Variants in AFF1 observed in about 807,000 individuals in gnomAD.
AFF1 encodes the protein AF4/FMR2 family member 1.
In AFF1, 48 loss-of-function variants were observed where a neutral mutation model predicts 121.7. The ratio of observed to expected loss-of-function variants is 0.39; its 90% confidence interval spans 0.31 to 0.50. AFF1 has a LOEUF of 0.50. Among genes scored for constraint, AFF1 ranks in the 20% least tolerant of loss-of-function variants. The pLI is 0.76. For missense variants in AFF1, 1,523 were observed against 1,511.7 expected, an observed-to-expected ratio of 1.01 and a Z score of -0.12; for synonymous variants, 613 against 563.0, an observed-to-expected ratio of 1.09 and a Z score of -1.26.
intron 2 of AFF1, among the ~76,000 whole-genome samples, chr4:87,014,381 T>G (rs35886751): frequency 0.13 from 20,525 of 152,286 alleles, 1,871 homozygotes; most frequent in Middle Eastern, 0.23. Context: ...TTGTCCAAAC[T>G]TTGTGAAACC....
intron 2 of AFF1, among the ~76,000 whole-genome samples, chr4:87,044,950 A>G (rs1055901977): frequency 2.6e-5 from 4 of 152,194 alleles, no homozygotes; most frequent in Admixed American, 2.6e-4. Context: ...TGCAGTAGTA[A>G]AGAGCCATCA....
At chr4:87,067,430 A>C (rs909356362) in intron 4 of AFF1, among the ~76,000 whole-genome samples, 2 of 152,196 alleles carry the variant, frequency 1.3e-5, no homozygotes, top group African/African-American at 4.8e-5. Flanking sequence ...AACTGCAATA[A>C]AGTGTAACTT....
At chr4:87,069,600 TCCTTTCCCTTC>T (rs1281690041) in intron 4 of AFF1, among the ~76,000 whole-genome samples, 2 of 147,644 alleles carry the variant, frequency 1.4e-5, no homozygotes, top group Non-Finnish European at 1.5e-5. Context: ...CATCTCTCCC[TCCTTTCCCTTC>T]CCTTTCCCCC....
At chr4:87,089,122 C>T (rs905218036) in intron 5 of AFF1, among the ~76,000 whole-genome samples, 1 of 152,142 alleles carries the variant, frequency 6.6e-6, no homozygotes, top group Non-Finnish European at 1.5e-5. Context: ...GGTACCTTGA[C>T]TCAATCATTT....
intron 4 of AFF1, among the ~76,000 whole-genome samples, chr4:87,050,951 G>A (rs1731204626): frequency 6.6e-6 from 1 of 152,242 alleles, no homozygotes; most frequent in African/African-American, 2.4e-5. Flanking sequence ...GGACCCCGAG[G>A]CTGGGGGCAT....
chr4:87,022,608 A>G (rs1397045665), intron 2 of AFF1, among the ~76,000 whole-genome samples: 2 of 100,712 alleles, frequency 2.0e-5, no homozygotes, highest in African/African-American at 6.3e-5. Flanking sequence ...CTGTGTGTAT[A>G]TATATCTGTG....
At chr4:86,961,840 T>C (rs1162504475) in intron 2 of AFF1, among the ~76,000 whole-genome samples, 1 of 151,998 alleles carries the variant, frequency 6.6e-6, no homozygotes, top group Admixed American at 6.6e-5. Flanking sequence ...TAAATCAACC[T>C]CTCAACGGTT....
At chr4:86,998,127 A>T (rs956650190) in intron 2 of AFF1, among the ~76,000 whole-genome samples, 1 of 129,992 alleles carries the variant, frequency 7.7e-6, no homozygotes, top group African/African-American at 2.9e-5. Flanking sequence ...AAAAAAAAAA[A>T]CAAGAAAACT....
At chr4:87,129,831 T>C (rs1728640116) in intron 16 of AFF1, among the ~76,000 whole-genome samples, 2 of 152,224 alleles carry the variant, frequency 1.3e-5, no homozygotes. Flanking sequence ...GTCAGCTCAC[T>C]GGGAGAAGCG....
intron 1 of AFF1, among the ~76,000 whole-genome samples, chr4:86,944,389 G>T (rs1720694607): frequency 1.5e-5 from 2 of 137,278 alleles, no homozygotes; most frequent in South Asian, 4.7e-4. Context: ...TTTTTTTTTG[G>T]ACAGTCTTGT....
chr4:87,046,060 C>G, intron 2 of AFF1, 106 bp from the exon 3 acceptor site: 1 of 1,375,688 alleles, frequency 7.3e-7, no homozygotes, highest in South Asian at 1.4e-5. Flanking sequence ...ATCACTGCTT[C>G]TTCCCAGACC....
chr4:87,017,496 A>G lies in AFF1; in HGVS notation c.39-28670A>G, dbSNP rs1018574982. ...AAGCCAAATTAAGTTTAAAATGCCA[A>G]TGCATGCTGATTATTGTCAAAGTAG... On this transcript the variant is annotated intron_variant, in intron 2 of 20. Coordinates refer to ENST00000395146, the MANE Select transcript of AFF1 (RefSeq NM_001166693.3). 2.4e-4 allele frequency among the ~76,000 whole-genome samples: 36 copies of G among 152,342 alleles called. 1 individual carries two copies. The highest frequency in any genetic ancestry group is 1.4e-4 in the African/African-American group (6 of 41,576).
intron 2 of AFF1, among the ~76,000 whole-genome samples, chr4:86,991,084 G>A (rs1724665196): frequency 6.6e-6 from 1 of 151,846 alleles, no homozygotes; most frequent in African/African-American, 2.4e-5. Flanking sequence ...CCCAGGAGGT[G>A]GAGGTTGCAG....
At chr4:86,947,815 GTTTGTTTTTTT>G (rs1041521639) in intron 1 of AFF1, among the ~76,000 whole-genome samples, 2 of 58,188 alleles carry the variant, frequency 3.4e-5, no homozygotes, top group Admixed American at 3.8e-4. Flanking sequence ...TTCGGTTTTT[GTTTGTTTTTTT>G]TTTGTTTTGA....
intron 12 of AFF1, among the ~76,000 whole-genome samples, chr4:87,124,506 A>G (rs554235937): frequency 1.6e-4 from 24 of 152,336 alleles, no homozygotes; most frequent in Middle Eastern, 3.4e-3. Flanking sequence ...GGGATTTTGT[A>G]GACGGTTTCC....
At chr4:87,006,970 ACTT>A in intron 2 of AFF1, 7 of 1,045,334 alleles carry the variant, frequency 6.7e-6, no homozygotes, top group Non-Finnish European at 8.1e-6. Flanking sequence ...GACTCGGACA[ACTT>A]CAAGTGAGCC....
intron 4 of AFF1, among the ~76,000 whole-genome samples, chr4:87,068,081 C>A (rs112082568): frequency 6.6e-6 from 1 of 151,926 alleles, no homozygotes; most frequent in African/African-American, 2.4e-5. Context: ...GGATAAATAA[C>A]GAAACTTAGG....
At chr4:86,975,233 C>T (rs1478396334) in intron 2 of AFF1, among the ~76,000 whole-genome samples, 1 of 151,960 alleles carries the variant, frequency 6.6e-6, no homozygotes, top group Non-Finnish European at 1.5e-5. Flanking sequence ...TCCTATTTAT[C>T]CCACCTTAAC....
In AFF1 at chr4:87,114,945, C is replaced by G; in HGVS notation, c.2112C>G (p.Thr704=). The G allele has an allele frequency of 1.2e-6, 2 of 1,612,780 alleles. No homozygotes were observed. Among genetic ancestry groups the G allele is most frequent in the Non-Finnish European group, 1.7e-6 (2 of 1,179,338 alleles). ...EPAKDNVEDR[T]PEHFALVPLT... ...CGAAGGACAATGTGGAGGACAGGAC[C>G]CCTGAGCACTTTGCTCTTGTTCCCC... The change falls in exon 12 of 21, where the codon ACC becomes ACG. Residue 704 remains threonine (T), a synonymous_variant. Transcript: ENST00000395146.
Sources: gnomAD v4.1 joint callset for allele counts (sites outside exome capture counted in the v4.1 genomes callset) on GRCh38, gnomAD v4.1.1 for gene constraint, MANE v1.5 for transcripts, NCBI Gene and HGNC (gene_info 2026-07-23, HGNC 2026-07-21) for gene names.